CACNA1S: variants seen among roughly 807,000 people sequenced by gnomAD.
CACNA1S encodes the protein calcium voltage-gated channel subunit alpha1 S, also known as voltage-dependent L-type calcium channel subunit alpha-1S.
In CACNA1S, 126 loss-of-function variants were observed where a neutral mutation model predicts 207.4. The observed-to-expected ratio is 0.61, with a 90% confidence interval of 0.53 to 0.70. CACNA1S has a LOEUF of 0.70. Among genes scored for constraint, CACNA1S ranks in the 30% least tolerant of loss-of-function variants. The pLI, the probability that CACNA1S is intolerant of heterozygous loss-of-function variation, is 0.00. For missense variants in CACNA1S, 2,349 were observed against 2,422.8 expected (o/e 0.97, Z 0.64); for synonymous variants, 960 against 932.7 (o/e 1.03, Z -0.53).
chr1:201,092,993 T>C (rs1662292794), intron 3 of CACNA1S, among the ~76,000 whole-genome samples: 1 of 152,224 alleles, frequency 6.6e-6, no homozygotes, highest in Admixed American at 6.5e-5. Context: ...TTTAGCCTCC[T>C]TATTTATAAA....
chr1:201,100,818 G>A (rs1025768039), intron 2 of CACNA1S, among the ~76,000 whole-genome samples: 1 of 151,856 alleles, frequency 6.6e-6, no homozygotes, highest in Non-Finnish European at 1.5e-5. Flanking sequence ...CTGGCCACAT[G>A]CATACATTTA....
intron 3 of CACNA1S, among the ~76,000 whole-genome samples, chr1:201,093,676 T>C (rs1471286065): frequency 1.3e-5 from 2 of 152,188 alleles, no homozygotes; most frequent in African/African-American, 2.4e-5. Flanking sequence ...AGATTTGACC[T>C]GCGGGCAGGG....
At chr1:201,109,560 A>G (rs1187554695) in intron 2 of CACNA1S, among the ~76,000 whole-genome samples, 1 of 152,224 alleles carries the variant, frequency 6.6e-6, no homozygotes, top group East Asian at 1.9e-4. Flanking sequence ...TTTCTCATCC[A>G]TAAAACAGAA....
chr1:201,048,884 G>T, intron 35 of CACNA1S, 119 bp downstream of exon 35: 1 of 897,008 alleles, frequency 1.1e-6, no homozygotes, highest in Non-Finnish European at 1.8e-6. Flanking sequence ...GGAGGAACTT[G>T]GGGACCCAGG....
At chr1:201,059,441 A>C in intron 26 of CACNA1S, 142 bp from the exon 27 acceptor site, 3 of 592,774 alleles carry the variant, frequency 5.1e-6, no homozygotes, top group Non-Finnish European at 6.0e-6. Flanking sequence ...TAGCTCAGAA[A>C]ACTAGAAGCT....
chr1:201,054,436 C>T (rs1660762640), intron 29 of CACNA1S, 69 bp downstream of exon 29: 1 of 1,477,902 alleles, frequency 6.8e-7, no homozygotes, highest in Non-Finnish European at 9.5e-7. Context: ...CGCAGCCAGG[C>T]CCATGCATGC....
At chr1:201,096,186 C>A in intron 2 of CACNA1S, among the ~76,000 whole-genome samples, 1 of 152,202 alleles carries the variant, frequency 6.6e-6, no homozygotes, top group East Asian at 1.9e-4. Flanking sequence ...CAGATGAGGT[C>A]ACTCAGTTTC....
chr1:201,040,145 C>T (rs1660083897), intron 43 of CACNA1S, 63 bp from the exon 44 acceptor site: 1 of 1,611,830 alleles, frequency 6.2e-7, no homozygotes, highest in Non-Finnish European at 8.5e-7. Flanking sequence ...GGACCTGCCT[C>T]TGTTGGCCCT....
In CACNA1S at chr1:201,077,142, G is replaced by A. The variant is rs374877250; in HGVS notation, c.1620-15C>T. 3.7e-5 allele frequency: 59 copies of A among 1,611,580 alleles called. No individual in the cohort carries two copies. In the African/African-American group the frequency reaches 6.3e-4, roughly 17 times the overall value. Reference sequence around the variant, plus strand: ...ACGTCCAATATCTGAAGGAAGAGGAGGCACAAGGTGGGAGGAGACAGACCC... The same window carrying A: ...ACGTCCAATATCTGAAGGAAGAGGAAGCACAAGGTGGGAGGAGACAGACCC... On this transcript the variant is annotated splice_polypyrimidine_tract_variant and intron_variant, in intron 11 of 43. Coordinates refer to ENST00000362061, the MANE Select transcript of CACNA1S (RefSeq NM_000069.3).
Position 201,089,433 on chromosome 1 carries a change from G to A in CACNA1S, c.725C>T (p.Pro242Leu). Residue 242 changes from proline to leucine, a missense_variant, in exon 6 of 44, where the codon CCA becomes CTA. By Grantham distance (98) the Pro-to-Leu change is moderately conservative. Coordinates refer to ENST00000362061, the MANE Select transcript of CACNA1S (RefSeq NM_000069.3). ...DIVATVENEE[P>L]SPCARTGSGR... ...TGAGCCCGTCCTGGCGCAGGGCGATGGCTCTTCATTCTCCACCGTGGCCAC... is the reference window on the plus strand; with the variant it reads ...TGAGCCCGTCCTGGCGCAGGGCGATAGCTCTTCATTCTCCACCGTGGCCAC... The A allele has an allele frequency of 6.2e-7, 1 of 1,614,128 alleles. No individual in the cohort carries two copies. The highest frequency in any genetic ancestry group is 1.1e-5 in the South Asian group (1 of 91,082).
chr1:201,084,455 G>A (rs1661958812), intron 9 of CACNA1S, among the ~76,000 whole-genome samples: 1 of 152,156 alleles, frequency 6.6e-6, no homozygotes, highest in Non-Finnish European at 1.5e-5. Context: ...TCATAATTAA[G>A]TATGAATTTG....
intron 10 of CACNA1S, among the ~76,000 whole-genome samples, chr1:201,082,865 C>G (rs1226625082): frequency 6.6e-6 from 1 of 152,068 alleles, no homozygotes; most frequent in Non-Finnish European, 1.5e-5. Flanking sequence ...AATAATCTGC[C>G]CGGACACCTG....
rs1662143830 is a variant in CACNA1S at position 201,089,310 on chromosome 1, A to T, written c.848T>A (p.Leu283His). ...CATGGTAATGCACTGGTACACGGTG[A>T]GCATGGAGAAGCCGAAGTTGTCGAA... ...THFDNFGFSM[L>H]TVYQCITMEG... The change falls in exon 6 of 44, where the codon CTC becomes CAC. Residue 283 changes from leucine (L) to histidine (H), a missense_variant. Transcript: ENST00000362061. 1 of 1,614,122 alleles carries T rather than the reference A, an allele frequency of 6.2e-7. No individual in the cohort carries two copies.
At chr1:201,094,671 C>T (rs986021203) in intron 2 of CACNA1S, among the ~76,000 whole-genome samples, 7 of 152,146 alleles carry the variant, frequency 4.6e-5, no homozygotes, top group Non-Finnish European at 8.8e-5. Context: ...GGGTCCCCTG[C>T]CCGTCCCACC....
chr1:201,075,538 C>A lies in CACNA1S; in HGVS notation c.1905G>T (p.Met635Ile), dbSNP rs754126882. Residue 635 changes from methionine (M) to isoleucine (I), a missense_variant, in exon 13 of 44, where the codon ATG becomes ATT. Physicochemically the swap from Met to Ile is conservative, Grantham distance 10. Coordinates refer to ENST00000362061, the MANE Select transcript of CACNA1S (RefSeq NM_000069.3). ...GGATGATGAAGTAAATGCACACAAG[C>A]ATGCCAGGGTAGGACGGCCCGCCGT... ...MAYGGPSYPGMLVCIYFIILF... is the reference protein window; with the variant it reads ...MAYGGPSYPGILVCIYFIILF... 6.2e-7 allele frequency: 1 copy of A among 1,613,952 alleles called. No individual in the cohort carries two copies. The highest frequency in any genetic ancestry group is 2.2e-5 in the East Asian group (1 of 44,846).
chr1:201,041,201 C>T (rs897159327), intron 41 of CACNA1S, among the ~76,000 whole-genome samples: 3 of 152,156 alleles, frequency 2.0e-5, no homozygotes, highest in Admixed American at 6.5e-5. Context: ...TGTGGGGACT[C>T]CTGTGCTGGG....
chr1:201,069,430 G>C lies in CACNA1S; in HGVS notation c.2490+42C>G, dbSNP rs763445808. 1.2e-5 allele frequency: 20 copies of C among 1,604,296 alleles called. No individual in the cohort carries two copies. In the South Asian group the frequency reaches 2.2e-4, roughly 17 times the overall value. On this transcript the variant is annotated intron_variant, in intron 18 of 43. Transcript: ENST00000362061. Reference sequence around the variant, plus strand: ...CCTGGGCACCAGACTGAGGCTGGAGGGGGCAGGGGTGCTGAGTGGCAGAGA... The same window carrying C: ...CCTGGGCACCAGACTGAGGCTGGAGCGGGCAGGGGTGCTGAGTGGCAGAGA...
At chr1:201,096,016 G>A (rs1331271402) in intron 2 of CACNA1S, among the ~76,000 whole-genome samples, 2 of 152,248 alleles carry the variant, frequency 1.3e-5, no homozygotes, top group African/African-American at 4.8e-5. Flanking sequence ...CAGAGGGATA[G>A]ACAGAAGTGG....
At position 201,091,784 on chromosome 1, in the gene CACNA1S, C is replaced by T. The variant is rs1662243070; in HGVS notation, c.550G>A (p.Val184Met). 1.9e-6 allele frequency: 3 copies of T among 1,613,436 alleles called. No individual in the cohort carries two copies. Among genetic ancestry groups the T allele is most frequent in the African/African-American group, 1.3e-5 (1 of 74,916 alleles). Reference sequence around the variant, plus strand: ...GCCTTGAAGATGGAGTTCAGGACCACCTGCAGGCCTGCAGAGGCAGGCAGG... The same window carrying T: ...GCCTTGAAGATGGAGTTCAGGACCATCTGCAGGCCTGCAGAGGCAGGCAGG... ...RLVSGVPSLQ[V>M]VLNSIFKAML... Residue 184 changes from valine (V) to methionine (M), a missense_variant, in exon 5 of 44, where the codon GTG (valine) becomes ATG (methionine). Physicochemically the swap from Val to Met is conservative, Grantham distance 21. Coordinates refer to ENST00000362061, the MANE Select transcript of CACNA1S (RefSeq NM_000069.3).
Sources: gnomAD v4.1 joint callset for allele counts (sites outside exome capture counted in the v4.1 genomes callset) on GRCh38, gnomAD v4.1.1 for gene constraint, MANE v1.5 for transcripts, NCBI Gene and HGNC (gene_info 2026-07-23, HGNC 2026-07-21) for gene names.